SLC2A7: variants seen among roughly 807,000 people sequenced by gnomAD.
The protein encoded by SLC2A7 is solute carrier family 2, facilitated glucose transporter member 7.
In SLC2A7, 50 loss-of-function variants were observed where a neutral mutation model predicts 50.5. The ratio of observed to expected loss-of-function variants is 0.99; its 90% confidence interval spans 0.79 to 1.25. The LOEUF is 1.25. SLC2A7 is among the 50% of genes most tolerant of loss of function. The pLI is 0.00. For synonymous variants in SLC2A7, 308 were observed against 300.4 expected (o/e 1.03, Z -0.26); for missense variants, 683 against 679.1 (o/e 1.01, Z -0.06).
rs558211947 is a variant in SLC2A7 at position 9,011,843 on chromosome 1, G to A, written c.1015-1599C>T. On this transcript the variant is annotated intron_variant, in intron 8 of 11. Coordinates refer to ENST00000400906, the MANE Select transcript of SLC2A7 (RefSeq NM_207420.3). ...TGGCTCACTGCAACCTCCGCCTCCCGGGTACAAGCAATTCTCCTGCCTCAG... is the reference window on the plus strand; with the variant it reads ...TGGCTCACTGCAACCTCCGCCTCCCAGGTACAAGCAATTCTCCTGCCTCAG... Among the ~76,000 whole-genome samples, 61 of 148,444 alleles carry A rather than the reference G, an allele frequency of 4.1e-4. 1 individual carries two copies. The South Asian group carries it at 0.013, about 30-fold the overall frequency.
chr1:9,024,396 C>T (rs1640963415), intron 2 of SLC2A7, among the ~76,000 whole-genome samples: 1 of 152,186 alleles, frequency 6.6e-6, no homozygotes. Flanking sequence ...AATACAGTGT[C>T]TGTAGACATG....
intron 5 of SLC2A7, among the ~76,000 whole-genome samples, chr1:9,016,681 G>GAGGA (rs1169783813): frequency 6.6e-6 from 1 of 151,172 alleles, no homozygotes; most frequent in Middle Eastern, 3.2e-3. Flanking sequence ...GGAAAGGAGA[G>GAGGA]AGGAAGGAAG....
chr1:9,018,287 G>T lies in SLC2A7; in HGVS notation c.525C>A (p.Phe175Leu), dbSNP rs376817551. 15 of 1,614,158 alleles carry T rather than the reference G, an allele frequency of 9.3e-6. No individual in the cohort carries two copies. The highest frequency in any genetic ancestry group is 1.3e-5 in the Non-Finnish European group (15 of 1,180,030). ...GTGCTAGGAAGACTCCAACGATGAC[G>T]AAAACCTCGGTCATTGTTCCCACCA... is the stretch of plus-strand genomic sequence containing the variant. ...RGMVGTMTEV[F>L]VIVGVFLAQI... The change falls in exon 5 of 12, where the codon TTC (phenylalanine) becomes TTA (leucine). Residue 175 changes from phenylalanine to leucine, a missense_variant. By Grantham distance (22) the Phe-to-Leu change is conservative. Coordinates refer to ENST00000400906, the MANE Select transcript of SLC2A7 (RefSeq NM_207420.3).
At chr1:8,995,120 A>G in the SLC2A7 span, among the ~76,000 whole-genome samples, 1 of 151,212 alleles carries the variant, frequency 6.6e-6, no homozygotes, top group Non-Finnish European at 1.5e-5. Context: ...CAGGTGCACA[A>G]ACGCCAAAAG....
At chr1:8,999,837 C>T (rs948791697), downstream of SLC2A7, among the ~76,000 whole-genome samples, 2 of 152,302 alleles carry the variant, frequency 1.3e-5, no homozygotes, top group East Asian at 1.9e-4. Context: ...GGGACTCAGT[C>T]GTTGGTGCAG....
At position 9,007,287 on chromosome 1, in the gene SLC2A7, G is replaced by A. The variant is rs200331829; in HGVS notation, c.1192+23C>T. The A allele has an allele frequency of 2.7e-4, 430 of 1,613,708 alleles. 1 individual carries two copies. The African/African-American group carries it at 5.2e-3, about 19-fold the overall frequency. Reference sequence around the variant, plus strand: ...AGGAATGGACCAGGATGGCCGGGGCGAGGGAGGCGTGCAGGTACTCACTGG... The same window carrying A: ...AGGAATGGACCAGGATGGCCGGGGCAAGGGAGGCGTGCAGGTACTCACTGG... On this transcript the variant is annotated intron_variant, in intron 10 of 11. Coordinates refer to ENST00000400906, the MANE Select transcript of SLC2A7 (RefSeq NM_207420.3).
intron 2 of SLC2A7, 148 bp downstream of exon 2, chr1:9,024,828 T>G: frequency 1.3e-6 from 1 of 796,128 alleles, no homozygotes; most frequent in Admixed American, 2.4e-5. Flanking sequence ...GCATCCAGGG[T>G]ACTAGGGCAA....
intron 3 of SLC2A7, among the ~76,000 whole-genome samples, chr1:9,022,478 G>A (rs1049724503): frequency 3.3e-5 from 5 of 152,304 alleles, no homozygotes; most frequent in South Asian, 4.1e-4. Flanking sequence ...GTGGCCGGCA[G>A]CGTGACTCAG....
intron 11 of SLC2A7, among the ~76,000 whole-genome samples, chr1:9,003,880 A>C (rs1400741815): frequency 6.6e-6 from 1 of 151,716 alleles, no homozygotes; most frequent in African/African-American, 2.4e-5. Flanking sequence ...AAAAACAAAA[A>C]CCCCAAAACA....
In SLC2A7 at chr1:9,023,002, A is replaced by T. The variant is rs1220355006; in HGVS notation, c.227T>A (p.Leu76Gln). 19 of 1,614,092 alleles carry T rather than the reference A, an allele frequency of 1.2e-5. No homozygotes were observed. The highest frequency in any genetic ancestry group is 1.4e-5 in the Non-Finnish European group (17 of 1,180,032). ...AAACATGGAGACGGTGCAAGACCAT[A>T]GAAGCAGCATGAGCTTCCCGTCCAT... is the stretch of plus-strand genomic sequence containing the variant. ...TFMDGKLMLL[L>Q]WSCTVSMFPL... Residue 76 changes from leucine (L) to glutamine (Q), a missense_variant, in exon 3 of 12, where the codon CTA becomes CAA. Transcript: ENST00000400906.
At chr1:9,004,537 T>G (rs1337864064) in intron 11 of SLC2A7, among the ~76,000 whole-genome samples, 1 of 145,638 alleles carries the variant, frequency 6.9e-6, no homozygotes, top group East Asian at 2.0e-4. Context: ...CAATAGCCCT[T>G]TACAATGTCA....
chr1:9,012,766 C>T (rs1310950783), intron 8 of SLC2A7, among the ~76,000 whole-genome samples: 1 of 152,200 alleles, frequency 6.6e-6, no homozygotes, highest in Non-Finnish European at 1.5e-5. Flanking sequence ...ACTTTAAATA[C>T]TAAACTCTGA....
Position 9,008,110 on chromosome 1 carries a change from C to T in SLC2A7, c.1117-725G>A, listed in dbSNP as rs978220489. Among the ~76,000 whole-genome samples, 2 of 152,052 alleles carry T rather than the reference C, an allele frequency of 1.3e-5. No homozygotes were observed. Among genetic ancestry groups the T allele is most frequent in the African/African-American group, 4.8e-5 (2 of 41,384 alleles). ...AGCTGGCAGACCACCATCTCTGCTCCCAACTGCCGAGAGAACAGCCAATGC... is the reference window on the plus strand; with the variant it reads ...AGCTGGCAGACCACCATCTCTGCTCTCAACTGCCGAGAGAACAGCCAATGC... On this transcript the variant is annotated intron_variant, in intron 9 of 11. Transcript: ENST00000400906. The surrounding 1 kb of genome is among the most constrained non-coding windows in gnomAD (Gnocchi z 5.9).
intron 3 of SLC2A7, among the ~76,000 whole-genome samples, chr1:9,020,217 C>A (rs1459349319): frequency 6.6e-6 from 1 of 152,094 alleles, no homozygotes. Context: ...GAGCTGCCTG[C>A]AAAGGGGAGG....
chr1:9,023,776 A>T (rs1281070449), intron 2 of SLC2A7, among the ~76,000 whole-genome samples: 35 of 122,394 alleles, frequency 2.9e-4, no homozygotes, highest in South Asian at 8.4e-4. Flanking sequence ...GAAAAAAAAA[A>T]TTTTACTTTT....
rs188091818 is a variant in SLC2A7 at position 9,007,920 on chromosome 1, A to G, written c.1117-535T>C. 1.3e-4 allele frequency among the ~76,000 whole-genome samples: 20 copies of G among 151,840 alleles called. No homozygotes were observed. The East Asian group carries it at 3.9e-3, about 30-fold the overall frequency. On this transcript the variant is annotated intron_variant, in intron 9 of 11. Transcript: ENST00000400906. ...CGGCTTATATGATTGTTTCAGTTCCACAATTGTGGAAGCAGAGCACAGAGG... is the reference window on the plus strand; with the variant it reads ...CGGCTTATATGATTGTTTCAGTTCCGCAATTGTGGAAGCAGAGCACAGAGG...
At chr1:9,023,602 G>A (rs1465669940) in intron 2 of SLC2A7, among the ~76,000 whole-genome samples, 6 of 149,804 alleles carry the variant, frequency 4.0e-5, no homozygotes, top group South Asian at 2.1e-4. Context: ...GCGAGACTCC[G>A]TCTCAAAAAA....
Position 9,004,717 on chromosome 1 carries a change from C to T in SLC2A7, c.1320+35G>A, listed in dbSNP as rs776116922. On this transcript the variant is annotated intron_variant, in intron 11 of 11. Transcript: ENST00000400906. Reference sequence around the variant, plus strand: ...GAATACATCTTACTCCCTGGAGGCCCGGTGGAGCGGGTTGGGGAAGGGGCC... The same window carrying T: ...GAATACATCTTACTCCCTGGAGGCCTGGTGGAGCGGGTTGGGGAAGGGGCC... 2.5e-5 allele frequency: 41 copies of T among 1,612,096 alleles called. 1 individual carries two copies. The Admixed American group carries it at 3.3e-4, about 13-fold the overall frequency.
At chr1:8,992,537 C>T in the SLC2A7 span, among the ~76,000 whole-genome samples, 1 of 151,986 alleles carries the variant, frequency 6.6e-6, no homozygotes. Context: ...TTTTCTCTTT[C>T]TTTCTTTCTT....
Sources: gnomAD v4.1 joint callset for allele counts (sites outside exome capture counted in the v4.1 genomes callset) on GRCh38, gnomAD v4.1.1 for gene constraint, Gnocchi (gnomAD v3.1) non-coding constraint, MANE v1.5 for transcripts, NCBI Gene and HGNC (gene_info 2026-07-23, HGNC 2026-07-21) for gene names.